The following HMGN3 variants were observed in gnomAD, a reference collection of about 807,000 sequenced individuals.
The protein encoded by HMGN3 is high mobility group nucleosomal binding domain 3, also known as high mobility group nucleosome-binding domain-containing protein 3.
Under a neutral mutation model 18.8 loss-of-function variants are expected in HMGN3, and 6 were observed. That is an observed-to-expected ratio of 0.32 (90% CI 0.18 to 0.63). The LOEUF (loss-of-function observed/expected upper bound fraction) is 0.63, where lower values mean the gene tolerates loss of function less well. Among genes scored for constraint, HMGN3 ranks in the 30% least tolerant of loss-of-function variants. The probability of loss-of-function intolerance (pLI) is 0.79; values close to 1 mark genes in which losing one functional copy is unlikely to be tolerated. For synonymous variants in HMGN3, 40 were observed against 36.5 expected (o/e 1.10, Z -0.35); for missense variants, 107 against 114.2 (o/e 0.94, Z 0.29).
intron 2 of HMGN3, among the ~76,000 whole-genome samples, chr6:79,210,174 C>T (rs1036482342): frequency 6.6e-5 from 10 of 152,070 alleles, no homozygotes; most frequent in East Asian, 1.9e-4. Flanking sequence ...CATGGTTAAC[C>T]GTATTAAGTA....
At chr6:79,219,302 T>A (rs892838842) in intron 1 of HMGN3, among the ~76,000 whole-genome samples, 13 of 152,298 alleles carry the variant, frequency 8.5e-5, no homozygotes, top group African/African-American at 3.1e-4. Context: ...TAGAGTACTA[T>A]TCAAGGAGTT....
intron 2 of HMGN3, among the ~76,000 whole-genome samples, chr6:79,212,467 C>T (rs1446520241): frequency 2.6e-5 from 4 of 152,276 alleles, no homozygotes; most frequent in East Asian, 1.9e-4. Context: ...GCGATTTTTG[C>T]TTCTTTTGTT....
rs71547744 is a variant in HMGN3, at chr6:79,201,742, G to GA, written c.262-17dup. On this transcript the variant is annotated splice_polypyrimidine_tract_variant and intron_variant, in intron 5 of 5. Coordinates refer to ENST00000344726, the Ensembl canonical transcript of HMGN3. The stretch of plus-strand genomic sequence containing the variant: ...TTTTCTGTGCCTGTGAAAAAGAAAG[G>GA]AAAAAAAAACATATAGTTACTACTG... 1,061 of 1,564,978 alleles carry GA rather than the reference G, an allele frequency of 6.8e-4. No individual in the cohort carries two copies. The highest frequency in any genetic ancestry group is 1.7e-3 in the East Asian group (74 of 43,800).
At chr6:79,207,335 G>C (rs1462254891) in intron 3 of HMGN3, among the ~76,000 whole-genome samples, 2 of 152,182 alleles carry the variant, frequency 1.3e-5, no homozygotes, top group African/African-American at 4.8e-5. Flanking sequence ...GGATGTGATT[G>C]AATTATGGGG....
At chr6:79,204,023 TCTAGAAATCACAGCACAATCA>T (rs1304181219) in intron 3 of HMGN3, among the ~76,000 whole-genome samples, 2 of 152,172 alleles carry the variant, frequency 1.3e-5, no homozygotes, top group East Asian at 3.9e-4. Context: ...TTCCTAACAG[TCTAGAAATCACAGCACAATCA>T]CTAGCAAAGC....
intron 4 of HMGN3, 124 bp from the exon 5 acceptor site, chr6:79,202,513 G>A: frequency 1.3e-6 from 1 of 754,320 alleles, no homozygotes; most frequent in Non-Finnish European, 2.3e-6. Flanking sequence ...TGGCCTTTAT[G>A]GAGACACGGG....
chr6:79,225,709 T>C (rs1342612535), intron 1 of HMGN3, among the ~76,000 whole-genome samples: 1 of 152,176 alleles, frequency 6.6e-6, no homozygotes, highest in Non-Finnish European at 1.5e-5. Flanking sequence ...GAGTCAGACT[T>C]TTAATACTCT....
rs1778035589 is a variant in HMGN3, at chr6:79,234,371, A to AG, written c.15+174dup. The AG allele has an allele frequency of 6.0e-6, 3 of 499,716 alleles. No individual in the cohort carries two copies. In the Admixed American group the frequency reaches 9.5e-5, roughly 16 times the overall value. 31.0% of individuals were successfully genotyped at this position (499,716 alleles called of 1,614,324 possible). ...AGAGATCGATGAGGACGGAGTGGGTAGGGGGGACAGAGAGAGGAACGTCTG... is the reference window on the plus strand; with the variant it reads ...AGAGATCGATGAGGACGGAGTGGGTAGGGGGGGACAGAGAGAGGAACGTCTG... On this transcript the variant is annotated intron_variant, in intron 1 of 5. Coordinates refer to ENST00000344726, the Ensembl canonical transcript of HMGN3.
chr6:79,232,675 T>C (rs1777903693), intron 1 of HMGN3, among the ~76,000 whole-genome samples: 1 of 152,128 alleles, frequency 6.6e-6, no homozygotes, highest in African/African-American at 2.4e-5. Context: ...TCAGCAGCTC[T>C]GGCCCTTGAA....
chr6:79,206,006 T>C (rs1419665447), intron 3 of HMGN3, among the ~76,000 whole-genome samples: 1 of 152,132 alleles, frequency 6.6e-6, no homozygotes, highest in African/African-American at 2.4e-5. Flanking sequence ...ACTTTGAATT[T>C]GAGAGAGATG....
At chr6:79,220,209 T>C (rs1412087718) in intron 1 of HMGN3, among the ~76,000 whole-genome samples, 1 of 152,014 alleles carries the variant, frequency 6.6e-6, no homozygotes, top group Admixed American at 6.6e-5. Flanking sequence ...CATTAAAAAA[T>C]GTAAGAACAG....
intron 4 of HMGN3, among the ~76,000 whole-genome samples, 183 bp downstream of exon 4, chr6:79,203,397 A>C (rs751390746): frequency 6.6e-6 from 1 of 152,226 alleles, no homozygotes; most frequent in Non-Finnish European, 1.5e-5. Context: ...TCACTGACCA[A>C]ATGGAAAACA....
intron 2 of HMGN3, among the ~76,000 whole-genome samples, chr6:79,209,890 G>A (rs1243353206): frequency 2.0e-5 from 3 of 152,194 alleles, no homozygotes; most frequent in East Asian, 3.8e-4. Context: ...CTGGAGTCTC[G>A]AAGAAAGATC....
intron 1 of HMGN3, among the ~76,000 whole-genome samples, chr6:79,229,738 C>A (rs897179600): frequency 6.6e-6 from 1 of 152,054 alleles, no homozygotes; most frequent in Non-Finnish European, 1.5e-5. Context: ...ATTAGCCGGG[C>A]GTAGTGGCGG....
In HMGN3 at chr6:79,207,503, C is replaced by T. The variant is rs192113528; in HGVS notation, c.96+1044G>A. ...GTCTTCCACCATGATTGTGAGGCTT[C>T]CCCAGCCACATGGAACTATAAGTCC... is the stretch of plus-strand genomic sequence containing the variant. On this transcript the variant is annotated intron_variant, in intron 3 of 5. Coordinates refer to ENST00000344726, the Ensembl canonical transcript of HMGN3. Among the ~76,000 whole-genome samples the T allele has an allele frequency of 2.1e-3, 319 of 152,308 alleles. 2 individuals are homozygous for T. Among genetic ancestry groups the T allele is most frequent in the African/African-American group, 6.9e-3 (285 of 41,562 alleles).
chr6:79,206,174 T>C (rs962686188), intron 3 of HMGN3, among the ~76,000 whole-genome samples: 1 of 152,220 alleles, frequency 6.6e-6, no homozygotes, highest in African/African-American at 2.4e-5. Flanking sequence ...TCCCATTTTC[T>C]GAGCTGAGGA....
chr6:79,206,912 G>A (rs1409935643), intron 3 of HMGN3, among the ~76,000 whole-genome samples: 3 of 152,246 alleles, frequency 2.0e-5, no homozygotes, highest in African/African-American at 7.2e-5. Context: ...AAGAAAAGGA[G>A]TCAAAGATCA....
chr6:79,215,025 A>G lies in HMGN3; in HGVS notation c.16-3T>C. On this transcript the variant is annotated splice_region_variant and splice_polypyrimidine_tract_variant and intron_variant, in intron 1 of 5. Coordinates refer to ENST00000344726, the Ensembl canonical transcript of HMGN3. ...TTGCCCTCTGTATTCTCTGGAGACT[A>G]GAAAGAAAATATTTCAGTGAATTGT... 2.7e-6 allele frequency: 4 copies of G among 1,485,028 alleles called. No individual in the cohort carries two copies. Among genetic ancestry groups the G allele is most frequent in the Non-Finnish European group, 3.7e-6 (4 of 1,088,446 alleles). 92.0% of individuals were successfully genotyped at this position (1,485,028 alleles called of 1,614,324 possible).
intron 1 of HMGN3, among the ~76,000 whole-genome samples, chr6:79,216,678 A>G (rs1777000621): frequency 6.6e-6 from 1 of 152,216 alleles, no homozygotes; most frequent in African/African-American, 2.4e-5. Flanking sequence ...TCTCTTGCAC[A>G]GGAATATTTC....
Sources: allele counts gnomAD v4.1 joint callset (sites outside exome capture counted in the v4.1 genomes callset), GRCh38; gene constraint gnomAD v4.1.1; transcripts MANE v1.5; gene names NCBI Gene and HGNC (gene_info 2026-07-23, HGNC 2026-07-21).